NIT2: variants seen among roughly 807,000 people sequenced by gnomAD.
The protein encoded by NIT2 is omega-amidase NIT2.
NIT2 carries 46 observed loss-of-function variants against 42.7 expected under a neutral mutation model. That is an observed-to-expected ratio of 1.08 (90% CI 0.85 to 1.38). The LOEUF (loss-of-function observed/expected upper bound fraction) is 1.38, where lower values mean the gene tolerates loss of function less well. Among genes scored for constraint, NIT2 ranks in the 40% most tolerant of loss-of-function variants. The pLI is 0.00. For missense variants in NIT2, 309 were observed against 342.5 expected (o/e 0.90, Z 0.77); for synonymous variants, 123 against 121.9 (o/e 1.01, Z -0.06).
At chr3:100,338,990 C>A in intron 1 of NIT2, 97 bp from the exon 2 acceptor site, 1 of 836,086 alleles carries the variant, frequency 1.2e-6, no homozygotes, top group Non-Finnish European at 2.1e-6. Flanking sequence ...AGATGTCCCC[C>A]CGGGGACATA....
chr3:100,352,273 C>T (rs1030494611), intron 7 of NIT2, 131 bp from the exon 8 acceptor site: 1 of 618,430 alleles, frequency 1.6e-6, no homozygotes. Context: ...GGTTCCATGG[C>T]TCTGGCTTCC....
At chr3:100,348,154 A>G (rs1559824932) in intron 6 of NIT2, among the ~76,000 whole-genome samples, 1 of 152,218 alleles carries the variant, frequency 6.6e-6, no homozygotes, top group Non-Finnish European at 1.5e-5. Flanking sequence ...GGCCTCCCAA[A>G]GTGCTGGGAT....
chr3:100,353,777 C>CTTTTTTCTTTTTTTTTTTTTTTT (rs1706297022), intron 8 of NIT2, among the ~76,000 whole-genome samples: 1 of 140,298 alleles, frequency 7.1e-6, no homozygotes, highest in African/African-American at 2.6e-5. Flanking sequence ...TTTCTTTTTT[C>CTTTTTTCTTTTTTTTTTTTTTTT]TTTTTTTTTT....
chr3:100,345,495 C>T (rs1706206024), intron 4 of NIT2, 90 bp from the exon 5 acceptor site: 2 of 847,936 alleles, frequency 2.4e-6, no homozygotes, highest in South Asian at 1.5e-5. Context: ...TCTTAGAGCA[C>T]CTTCCGTATC....
intron 5 of NIT2, 83 bp from the exon 6 acceptor site, chr3:100,346,098 C>G (rs1356894557): frequency 2.8e-6 from 3 of 1,059,672 alleles, no homozygotes; most frequent in Non-Finnish European, 2.9e-6. Context: ...GTTTTGTGAT[C>G]ATTATGTCAT....
In NIT2 at chr3:100,339,074, T is replaced by C; in HGVS notation, c.8-13T>C. 6.3e-7 allele frequency: 1 copy of C among 1,577,864 alleles called. No individual in the cohort carries two copies. Among genetic ancestry groups the C allele is most frequent in the Non-Finnish European group, 8.7e-7 (1 of 1,146,930 alleles). On this transcript the variant is annotated splice_polypyrimidine_tract_variant and intron_variant, in intron 1 of 9. Transcript: ENST00000394140. Reference sequence around the variant, plus strand: ...ATCTTCTGATAGCTGTTTTCTTTTGTCTTTGTTCTCAGCTTTCCGCTTGGC... The same window carrying C: ...ATCTTCTGATAGCTGTTTTCTTTTGCCTTTGTTCTCAGCTTTCCGCTTGGC...
At chr3:100,338,539 C>T (rs1030696113) in intron 1 of NIT2, among the ~76,000 whole-genome samples, 30 of 152,300 alleles carry the variant, frequency 2.0e-4, no homozygotes, top group Non-Finnish European at 3.4e-4. Context: ...AGACAGACAT[C>T]TTCCCTTCCC....
chr3:100,334,905 C>G (rs900158264), intron 1 of NIT2, 107 bp downstream of exon 1: 43 of 1,086,876 alleles, frequency 4.0e-5, no homozygotes, highest in Non-Finnish European at 4.8e-5. Context: ...CCCGCGTCCC[C>G]GCCGTGCGCG....
Position 100,337,765 on chromosome 3 carries a change from T to C in NIT2, c.8-1322T>C, listed in dbSNP as rs113508423. On this transcript the variant is annotated intron_variant, in intron 1 of 9. Transcript: ENST00000394140. Reference sequence around the variant, plus strand: ...ATCACACCCGGCGGAAAATTTTATATAAAAAATTATTATCTGGCCAGGCGT... The same window carrying C: ...ATCACACCCGGCGGAAAATTTTATACAAAAAATTATTATCTGGCCAGGCGT... Among the ~76,000 whole-genome samples, 947 of 152,290 alleles carry C rather than the reference T, an allele frequency of 6.2e-3. 8 individuals are homozygous for C. Among genetic ancestry groups the C allele is most frequent in the African/African-American group, 0.021 (884 of 41,572 alleles).
chr3:100,341,771 G>A (rs1471684221), intron 4 of NIT2, among the ~76,000 whole-genome samples: 2 of 152,146 alleles, frequency 1.3e-5, no homozygotes, highest in African/African-American at 4.8e-5. Context: ...ACCAGGTGCA[G>A]TGGCCCATGC....
Position 100,339,832 on chromosome 3 carries a change from A to G in NIT2, c.144A>G (p.Pro48=), listed in dbSNP as rs778480162. ...TTTTCTAGGAATGCTTTAATTCTCC[A>G]TATGGAGCGAAATATTTTCCTGAAT... ...IVSLPECFNS[P]YGAKYFPEYA... is the part of the protein sequence containing the mutation. Residue 48 remains proline, a synonymous_variant, in exon 3 of 10, where the codon CCA becomes CCG. Coordinates refer to ENST00000394140, the MANE Select transcript of NIT2 (RefSeq NM_020202.5). The G allele has an allele frequency of 5.0e-6, 8 of 1,609,226 alleles. No homozygotes were observed. Among genetic ancestry groups the G allele is most frequent in the Non-Finnish European group, 6.8e-6 (8 of 1,178,566 alleles).
intron 4 of NIT2, among the ~76,000 whole-genome samples, chr3:100,344,287 G>T (rs1213509644): frequency 6.6e-6 from 1 of 152,192 alleles, no homozygotes; most frequent in Admixed American, 6.5e-5. Flanking sequence ...GCTTCCACAT[G>T]TCTGTGTTCT....
At chr3:100,335,794 A>G (rs1262962619) in intron 1 of NIT2, among the ~76,000 whole-genome samples, 1 of 152,162 alleles carries the variant, frequency 6.6e-6, no homozygotes, top group Admixed American at 6.5e-5. Context: ...GCTTGAGTTC[A>G]CGAGTCAAGA....
At chr3:100,335,682 AT>A (rs1706061450) in intron 1 of NIT2, among the ~76,000 whole-genome samples, 1 of 152,214 alleles carries the variant, frequency 6.6e-6, no homozygotes, top group Non-Finnish European at 1.5e-5. Flanking sequence ...CAGCGTAGCC[AT>A]GGTGAGCTTT....
At chr3:100,346,523 G>C (rs142061580) in intron 6 of NIT2, among the ~76,000 whole-genome samples, 1 of 152,154 alleles carries the variant, frequency 6.6e-6, no homozygotes, top group Non-Finnish European at 1.5e-5. Context: ...TACTGTGTTT[G>C]GAGAGTCACT....
At chr3:100,345,139 A>G (rs1158986894) in intron 4 of NIT2, among the ~76,000 whole-genome samples, 1 of 151,106 alleles carries the variant, frequency 6.6e-6, no homozygotes, top group African/African-American at 2.4e-5. Context: ...TTCTATTTTT[A>G]GTAGAGACAA....
chr3:100,341,030 C>A, intron 3 of NIT2, 43 bp from the exon 4 acceptor site: 1 of 1,314,024 alleles, frequency 7.6e-7, no homozygotes, highest in Non-Finnish European at 1.1e-6. Flanking sequence ...AAAAGAATTG[C>A]TCTATTCTTT....
chr3:100,334,915 G>A, intron 1 of NIT2, 117 bp downstream of exon 1: 3 of 1,034,998 alleles, frequency 2.9e-6, no homozygotes, highest in Non-Finnish European at 3.7e-6. Context: ...CGCCGTGCGC[G>A]GCCTTCCCTG....
At chr3:100,345,874 G>T in intron 5 of NIT2, 196 bp downstream of exon 5, 1 of 604,858 alleles carries the variant, frequency 1.7e-6, no homozygotes, top group Non-Finnish European at 2.9e-6. Context: ...TTTGCCCTTT[G>T]ATTTGATTGT....
Sources: allele counts gnomAD v4.1 joint callset (sites outside exome capture counted in the v4.1 genomes callset), GRCh38; gene constraint gnomAD v4.1.1; transcripts MANE v1.5; gene names NCBI Gene and HGNC (gene_info 2026-07-23, HGNC 2026-07-21).